Variants in DPYD observed in about 807,000 individuals in gnomAD.
The protein encoded by DPYD is dihydropyrimidine dehydrogenase.
Under a neutral mutation model 116.2 loss-of-function variants are expected in DPYD, and 109 were observed. The ratio of observed to expected loss-of-function variants is 0.94; its 90% CI spans 0.80 to 1.10. The LOEUF (loss-of-function observed/expected upper bound fraction) is 1.10, where lower values mean the gene tolerates loss of function less well. Among genes scored for constraint, DPYD ranks in the 50% least tolerant of loss-of-function variants. The pLI, the probability that DPYD is intolerant of heterozygous loss-of-function variation, is 0.00. For synonymous variants in DPYD, 440 were observed against 432.0 expected (o/e 1.02, Z -0.23); for missense variants, 1,302 against 1,254.5 (o/e 1.04, Z -0.57).
At chr1:97,645,643 AATG>A (rs1334202376) in intron 8 of DPYD, among the ~76,000 whole-genome samples, 1 of 152,076 alleles carries the variant, frequency 6.6e-6, no homozygotes, top group East Asian at 1.9e-4. Context: ...CATGAGGCTT[AATG>A]ATATGTTAGG....
chr1:97,897,298 T>C (rs1673125554), intron 1 of DPYD, among the ~76,000 whole-genome samples: 1 of 151,750 alleles, frequency 6.6e-6, no homozygotes, highest in Non-Finnish European at 1.5e-5. Flanking sequence ...AGTACACCTG[T>C]TTTTTTCCTC....
intron 2 of DPYD, among the ~76,000 whole-genome samples, chr1:97,876,821 T>C (rs1207437181): frequency 6.6e-6 from 1 of 152,042 alleles, no homozygotes; most frequent in African/African-American, 2.4e-5. Flanking sequence ...TGAAAGGACT[T>C]CAGTGATTGA....
In DPYD at chr1:97,846,242, T is replaced by G. The variant is rs139955087; in HGVS notation, c.151-18046A>C. Among the ~76,000 whole-genome samples, 532 of 152,172 alleles carry G rather than the reference T, an allele frequency of 3.5e-3. 5 individuals carry two copies. The highest frequency in any genetic ancestry group is 0.012 in the African/African-American group (514 of 41,462). On this transcript the variant is annotated intron_variant, in intron 2 of 22. Transcript: ENST00000370192. ...CACAACCAAGACAGGACATGGAAGC[T>G]CCGTGTCTTTTTTCCCCATACCTTG...
intron 3 of DPYD, among the ~76,000 whole-genome samples, chr1:97,803,772 G>T (rs772949661): frequency 6.6e-6 from 1 of 151,656 alleles, no homozygotes; most frequent in Non-Finnish European, 1.5e-5. Context: ...ATGACTTAGG[G>T]TTATATTTCA....
At chr1:97,082,199 T>C in intron 22 of DPYD, 131 bp downstream of exon 22, 3 of 1,092,084 alleles carry the variant, frequency 2.7e-6, no homozygotes, top group South Asian at 2.5e-5. Context: ...GACAGAAAGA[T>C]GTACTGTTGC....
At chr1:97,128,813 G>T (rs1192456436) in intron 20 of DPYD, among the ~76,000 whole-genome samples, 2 of 152,110 alleles carry the variant, frequency 1.3e-5, no homozygotes, top group Non-Finnish European at 2.9e-5. Flanking sequence ...CTCTCCTAAA[G>T]ATTAAAGTAA....
chr1:97,735,671 G>C (rs1019142064), intron 4 of DPYD, among the ~76,000 whole-genome samples: 5 of 148,432 alleles, frequency 3.4e-5, no homozygotes, highest in African/African-American at 1.2e-4. Context: ...CTGGGCGACA[G>C]AGCAAGACTC....
intron 16 of DPYD, among the ~76,000 whole-genome samples, chr1:97,346,344 CT>C (rs961617113): frequency 2.0e-5 from 3 of 151,564 alleles, no homozygotes; most frequent in Admixed American, 2.0e-4. Flanking sequence ...TTGCTCGATC[CT>C]TTTTTTAGTT....
At chr1:97,650,847 T>TACAC (rs552228084) in intron 8 of DPYD, among the ~76,000 whole-genome samples, 74 of 149,448 alleles carry the variant, frequency 5.0e-4, no homozygotes, top group East Asian at 4.5e-3. Context: ...AAGGTGTGTA[T>TACAC]ACACACACAC....
intron 10 of DPYD, among the ~76,000 whole-genome samples, chr1:97,588,241 G>A (rs545392546): frequency 3.9e-5 from 6 of 152,280 alleles, no homozygotes; most frequent in South Asian, 4.1e-4. Flanking sequence ...AAGCTAAGGC[G>A]TACCAGGGGT....
intron 14 of DPYD, among the ~76,000 whole-genome samples, chr1:97,441,384 C>T (rs1557713707): frequency 6.6e-6 from 1 of 151,998 alleles, no homozygotes; most frequent in East Asian, 1.9e-4. Flanking sequence ...ATGTTTACTT[C>T]TCTCTCTTTC....
intron 16 of DPYD, among the ~76,000 whole-genome samples, chr1:97,338,595 G>A (rs976608369): frequency 1.3e-5 from 2 of 152,126 alleles, no homozygotes; most frequent in African/African-American, 2.4e-5. Context: ...GGGTAGGGGT[G>A]ATGCAATAGG....
intron 3 of DPYD, among the ~76,000 whole-genome samples, chr1:97,788,774 A>G (rs1420492126): frequency 2.6e-5 from 4 of 152,190 alleles, no homozygotes; most frequent in Non-Finnish European, 5.9e-5. Context: ...TAATATTGCA[A>G]AGGCAAAAAT....
chr1:97,546,005 T>C, intron 12 of DPYD: 1 of 1,361,540 alleles, frequency 7.3e-7, no homozygotes, highest in Non-Finnish European at 1.1e-6. Flanking sequence ...TTGGGAGTTT[T>C]CCATATGTGA....
chr1:97,528,367 G>A (rs1029770640), intron 12 of DPYD, among the ~76,000 whole-genome samples: 2 of 152,068 alleles, frequency 1.3e-5, no homozygotes, highest in Non-Finnish European at 2.9e-5. Flanking sequence ...TTCTTTAAAA[G>A]ACTGTGTTCA....
intron 8 of DPYD, among the ~76,000 whole-genome samples, chr1:97,621,439 T>C (rs1656626968): frequency 1.3e-5 from 2 of 152,232 alleles, no homozygotes; most frequent in African/African-American, 4.8e-5. Flanking sequence ...CATGTTTCAT[T>C]TAATACAGAT....
intron 3 of DPYD, among the ~76,000 whole-genome samples, chr1:97,760,807 C>T (rs950302312): frequency 6.6e-6 from 1 of 152,154 alleles, no homozygotes; most frequent in Non-Finnish European, 1.5e-5. Flanking sequence ...AGCCTAGAAT[C>T]AACTCTGCTA....
intron 16 of DPYD, among the ~76,000 whole-genome samples, chr1:97,365,031 G>T (rs979759479): frequency 1.3e-5 from 2 of 152,050 alleles, no homozygotes; most frequent in African/African-American, 2.4e-5. Flanking sequence ...TTGTGAAGGT[G>T]GTGCCTCTGA....
At chr1:97,587,781 G>A (rs1470519638) in intron 10 of DPYD, among the ~76,000 whole-genome samples, 5 of 142,970 alleles carry the variant, frequency 3.5e-5, no homozygotes, top group African/African-American at 5.3e-5. Context: ...TCGAGATCGC[G>A]CCACTGCACT....
Sources: allele counts gnomAD v4.1 joint callset (sites outside exome capture counted in the v4.1 genomes callset), GRCh38; gene constraint gnomAD v4.1.1; transcripts MANE v1.5; gene names NCBI Gene and HGNC (gene_info 2026-07-23, HGNC 2026-07-21).